CRPPA: variants seen among roughly 807,000 people sequenced by gnomAD.
The protein encoded by CRPPA is D-ribitol-5-phosphate cytidylyltransferase.
Under a neutral mutation model 52.0 loss-of-function variants are expected in CRPPA, and 43 were observed. The observed-to-expected ratio is 0.83, with a 90% confidence interval of 0.65 to 1.07. CRPPA has a LOEUF of 1.07. Among genes scored for constraint, CRPPA ranks in the 50% least tolerant of loss-of-function variants. The probability of loss-of-function intolerance (pLI) is 0.00; values close to 1 mark genes in which losing one functional copy is unlikely to be tolerated. For missense variants in CRPPA, 629 were observed against 551.7 expected (o/e 1.14, Z -1.40); for synonymous variants, 250 against 203.5 (o/e 1.23, Z -1.94).
chr7:16,236,673 C>A (rs1782958613), intron 8 of CRPPA, among the ~76,000 whole-genome samples: 1 of 152,046 alleles, frequency 6.6e-6, no homozygotes, highest in South Asian at 2.1e-4. Flanking sequence ...TGGTAATATT[C>A]TTACCATCTT....
At chr7:16,137,781 G>A (rs1478950489) in intron 9 of CRPPA, among the ~76,000 whole-genome samples, 1 of 151,648 alleles carries the variant, frequency 6.6e-6, no homozygotes, top group African/African-American at 2.4e-5. Flanking sequence ...AACTATCTTG[G>A]GAATAAACTT....
intron 9 of CRPPA, among the ~76,000 whole-genome samples, chr7:16,139,881 CTT>C (rs1782834270): frequency 6.6e-6 from 1 of 151,868 alleles, no homozygotes; most frequent in African/African-American, 2.4e-5. Flanking sequence ...AATTCCATCA[CTT>C]TTCCAGAGCA....
At position 16,303,477 on chromosome 7, in the gene CRPPA, T is replaced by TAAAAAAAAAAAAAAAAAAAAAAAAA. The variant is rs545663821; in HGVS notation, c.790-2036_790-2012dup. On this transcript the variant is annotated intron_variant, in intron 4 of 9. Transcript: ENST00000407010. ...GTTTCTGTGTTGAGACATAAAATAG[T>TAAAAAAAAAAAAAAAAAAAAAAAAA]AAAAAAAAAAAAAAAAAAAAAAAAA... 6.4e-4 allele frequency among the ~76,000 whole-genome samples: 29 copies of TAAAAAAAAAAAAAAAAAAAAAAAAA among 44,974 alleles called. 1 individual carries two copies. The highest frequency in any genetic ancestry group is 4.5e-3 in the South Asian group (4 of 894). 29.5% of individuals were successfully genotyped at this position (44,974 alleles called of 152,430 possible).
intron 9 of CRPPA, among the ~76,000 whole-genome samples, chr7:16,100,677 T>C (rs1583354907): frequency 6.6e-6 from 1 of 152,336 alleles, no homozygotes; most frequent in South Asian, 2.1e-4. Flanking sequence ...GGCCAGAACT[T>C]CCAATACTAT....
chr7:16,407,033 T>C (rs1353662152), intron 1 of CRPPA, among the ~76,000 whole-genome samples: 1 of 152,210 alleles, frequency 6.6e-6, no homozygotes, highest in East Asian at 1.9e-4. Context: ...TGGAATACAG[T>C]GGCACCATCT....
chr7:16,289,151 A>G (rs1784508782), intron 5 of CRPPA, among the ~76,000 whole-genome samples: 1 of 152,070 alleles, frequency 6.6e-6, no homozygotes, highest in Non-Finnish European at 1.5e-5. Flanking sequence ...CAAGATCGAA[A>G]GAGGAGGAAA....
At chr7:16,169,993 G>A (rs572889257) in intron 9 of CRPPA, among the ~76,000 whole-genome samples, 79 of 152,304 alleles carry the variant, frequency 5.2e-4, no homozygotes, top group Non-Finnish European at 9.6e-4. Context: ...CCAGCAGCTA[G>A]CATTTCTAAT....
At chr7:16,348,564 C>G (rs1786071305) in intron 3 of CRPPA, among the ~76,000 whole-genome samples, 1 of 152,196 alleles carries the variant, frequency 6.6e-6, no homozygotes, top group Non-Finnish European at 1.5e-5. Context: ...GAGGACCAAA[C>G]CAAGAGGTAG....
chr7:16,259,516 A>T (rs1181771893), intron 6 of CRPPA, among the ~76,000 whole-genome samples: 1 of 151,984 alleles, frequency 6.6e-6, no homozygotes, highest in East Asian at 1.9e-4. Flanking sequence ...ACTATTCCTA[A>T]AACTGTCGGG....
At chr7:16,272,198 G>A (rs1784105744) in intron 6 of CRPPA, among the ~76,000 whole-genome samples, 1 of 152,190 alleles carries the variant, frequency 6.6e-6, no homozygotes, top group Admixed American at 6.5e-5. Flanking sequence ...TGTCCTTTAA[G>A]AATCAGTAAA....
intron 3 of CRPPA, among the ~76,000 whole-genome samples, chr7:16,336,025 T>C (rs1303097964): frequency 6.6e-6 from 1 of 152,114 alleles, no homozygotes; most frequent in Admixed American, 6.5e-5. Context: ...AAGTTGTCCT[T>C]CTGAACTGAA....
At chr7:16,411,113 G>A (rs1053603150) in intron 1 of CRPPA, among the ~76,000 whole-genome samples, 4 of 152,184 alleles carry the variant, frequency 2.6e-5, no homozygotes, top group African/African-American at 4.8e-5. Flanking sequence ...TATATGGAAT[G>A]TTTGCTAGGT....
At chr7:16,223,048 T>C (rs766622683) in intron 8 of CRPPA, among the ~76,000 whole-genome samples, 1 of 151,868 alleles carries the variant, frequency 6.6e-6, no homozygotes, top group African/African-American at 2.4e-5. Flanking sequence ...TCCCAGCAGT[T>C]TGAGAGGCTG....
chr7:16,350,579 C>A (rs995525745), intron 3 of CRPPA, among the ~76,000 whole-genome samples: 1 of 151,962 alleles, frequency 6.6e-6, no homozygotes, highest in Admixed American at 6.6e-5. Flanking sequence ...ATGTAAGCCT[C>A]AAGGTAACAA....
chr7:16,201,583 T>G (rs1435222028), intron 9 of CRPPA, among the ~76,000 whole-genome samples: 1 of 152,172 alleles, frequency 6.6e-6, no homozygotes, highest in Non-Finnish European at 1.5e-5. Context: ...TACTCTCCCT[T>G]ACTTTGTCTC....
At chr7:16,134,842 G>A (rs1466974008) in intron 9 of CRPPA, among the ~76,000 whole-genome samples, 2 of 152,128 alleles carry the variant, frequency 1.3e-5, no homozygotes, top group Admixed American at 1.3e-4. Context: ...CCTAAAAAGT[G>A]CACACAACTA....
intron 9 of CRPPA, among the ~76,000 whole-genome samples, chr7:16,177,348 A>C (rs1330571408): frequency 6.6e-6 from 1 of 152,166 alleles, no homozygotes; most frequent in Non-Finnish European, 1.5e-5. Flanking sequence ...AAAAGGAATG[A>C]AGTATATAAT....
chr7:16,390,360 C>T (rs1787410995), intron 2 of CRPPA, among the ~76,000 whole-genome samples: 1 of 152,150 alleles, frequency 6.6e-6, no homozygotes, highest in Admixed American at 6.5e-5. Flanking sequence ...TATAAGAGCA[C>T]ATCTCCAATT....
chr7:16,261,027 T>C (rs1457655210), intron 6 of CRPPA, among the ~76,000 whole-genome samples: 1 of 152,076 alleles, frequency 6.6e-6, no homozygotes, highest in African/African-American at 2.4e-5. Flanking sequence ...CAAAAAATAC[T>C]ACATATAAAT....
Sources: allele counts gnomAD v4.1 joint callset (sites outside exome capture counted in the v4.1 genomes callset), GRCh38; gene constraint gnomAD v4.1.1; transcripts MANE v1.5; gene names NCBI Gene and HGNC (gene_info 2026-07-23, HGNC 2026-07-21).